WDR90: variants seen among roughly 807,000 people sequenced by gnomAD.
WDR90 encodes WD repeat-containing protein 90.
A neutral mutation model predicts 195.2 loss-of-function variants in WDR90; 238 were observed. The ratio of observed to expected loss-of-function variants is 1.22; its 90% CI spans 1.10 to 1.36. WDR90 has a LOEUF of 1.36. Among genes scored for constraint, WDR90 ranks in the 40% most tolerant of loss-of-function variants. WDR90 has a pLI of 0.00. For synonymous variants in WDR90, 1,265 were observed against 1,052.4 expected (o/e 1.20, Z -3.91); for missense variants, 2,734 against 2,439.5 (o/e 1.12, Z -2.54).
chr16:661,218 C>G (rs760529436), intron 29 of WDR90, 46 bp downstream of exon 29: 27 of 1,516,424 alleles, frequency 1.8e-5, no homozygotes, highest in Middle Eastern at 2.3e-4. Flanking sequence ...CCACCGTGCC[C>G]GGCAGAACCC....
In WDR90 at chr16:656,294, A is replaced by T; in HGVS notation, c.1967-8A>T. 6.9e-7 allele frequency: 1 copy of T among 1,452,740 alleles called. No homozygotes were observed. The allele number at this position is 1,452,740 out of a possible 1,614,324, so 90.0% of individuals were successfully genotyped here. Reference sequence around the variant, plus strand: ...CCCTGGAGGCCCCTGACCCCACCCCACCCACAGAGCACGAGGGCCCCGTCA... The same window carrying T: ...CCCTGGAGGCCCCTGACCCCACCCCTCCCACAGAGCACGAGGGCCCCGTCA... On this transcript the variant is annotated splice_region_variant and splice_polypyrimidine_tract_variant and intron_variant, in intron 17 of 40. Coordinates refer to ENST00000293879, the MANE Select transcript of WDR90 (RefSeq NM_145294.5).
chr16:660,951 C>CCTCAGGCCCCGCCCCCGGT, intron 28 of WDR90, 100 bp from the exon 29 acceptor site: 5 of 394,688 alleles, frequency 1.3e-5, no homozygotes, highest in Non-Finnish European at 9.0e-6. Flanking sequence ...CGCCCCACGG[C>CCTCAGGCCCCGCCCCCGGT]TCGGCCCAGG....
chr16:665,789 G>C lies in WDR90; in HGVS notation c.4422G>C (p.Gln1474His). ...GCATGGAGCTTGTGATCCAGTTCCA[G>C]GTGCTGAACCAGGTGTGTGGGGAGT... ...LASMELVIQF[Q>H]VLNQSCLCLA... is the part of the protein sequence containing the mutation. Residue 1474 changes from glutamine (Q) to histidine (H), a missense_variant, in exon 35 of 41, where the codon CAG (glutamine) becomes CAC (histidine). Coordinates refer to ENST00000293879, the MANE Select transcript of WDR90 (RefSeq NM_145294.5). 6.3e-7 allele frequency: 1 copy of C among 1,592,128 alleles called. No homozygotes were observed. Among genetic ancestry groups the C allele is most frequent in the Non-Finnish European group, 8.6e-7 (1 of 1,165,578 alleles).
At position 662,320 on chromosome 16, in the gene WDR90, C is replaced by T. The variant is rs370598576; in HGVS notation, c.4134C>T (p.Gly1378=). 3 of 1,565,304 alleles carry T rather than the reference C, an allele frequency of 1.9e-6. No homozygotes were observed. The highest frequency in any genetic ancestry group is 4.7e-5 in the East Asian group (2 of 42,494). ...CTGTGTCGGAGCTGAGGTGCAAGGGCTCAGGCGCCAGGTGAGCTGTTCACC... is the reference window on the plus strand; with the variant it reads ...CTGTGTCGGAGCTGAGGTGCAAGGGTTCAGGCGCCAGGTGAGCTGTTCACC... ...VGAVSELRCK[G]SGASSVFMEH... The change falls in exon 33 of 41, where the codon GGC becomes GGT. Residue 1378 remains glycine, a synonymous_variant. Transcript: ENST00000293879.
At chr16:664,058 G>C (rs968458438) in intron 34 of WDR90, among the ~76,000 whole-genome samples, 1 of 152,218 alleles carries the variant, frequency 6.6e-6, no homozygotes, top group African/African-American at 2.4e-5. Flanking sequence ...AGAAAGTTGA[G>C]TTTGAGACAG....
chr16:660,858 C>T (rs2037881953), intron 28 of WDR90, 144 bp downstream of exon 28: 7 of 979,468 alleles, frequency 7.1e-6, no homozygotes, highest in South Asian at 1.9e-5. Context: ...CGCCTCCTGG[C>T]GCTCCAGCCG....
intron 26 of WDR90, 105 bp downstream of exon 26, chr16:659,481 G>A: frequency 3.5e-6 from 5 of 1,440,612 alleles, no homozygotes; most frequent in East Asian, 2.5e-5. Context: ...GGGTGCAGGT[G>A]CCATCGCTGC....
At chr16:654,890 A>G (rs2037715617) in intron 13 of WDR90, 139 bp from the exon 14 acceptor site, 4 of 726,158 alleles carry the variant, frequency 5.5e-6, no homozygotes, top group Non-Finnish European at 9.1e-6. Flanking sequence ...GTTTCCTTCC[A>G]CTCTCCACGG....
upstream of WDR90, chr16:649,272 G>T: frequency 1.0e-6 from 1 of 959,034 alleles, no homozygotes; most frequent in South Asian, 2.9e-5. Flanking sequence ...TCCCACCGGG[G>T]AGGTCACGTG....
Position 658,925 on chromosome 16 carries a change from G to A in WDR90, c.2925G>A (p.Gln975=). Residue 975 remains glutamine (Q), a synonymous_variant, in exon 24 of 41, where the codon CAG becomes CAA. Coordinates refer to ENST00000293879, the MANE Select transcript of WDR90 (RefSeq NM_145294.5). The stretch of plus-strand genomic sequence containing the variant: ...ACATCGGCCACTCGGAACCCGTGCA[G>A]GCTGTGGCCTTCTCTCCTGACCAGC... ...QVYIGHSEPV[Q]AVAFSPDQQQ... is the part of the protein sequence containing the mutation. 6.2e-7 allele frequency: 1 copy of A among 1,612,604 alleles called. No individual in the cohort carries two copies. The highest frequency in any genetic ancestry group is 1.7e-5 in the Admixed American group (1 of 60,016).
Position 658,201 on chromosome 16 carries a change from G to T in WDR90, c.2623G>T (p.Gly875Cys). The T allele has an allele frequency of 6.2e-7, 1 of 1,610,724 alleles. No individual in the cohort carries two copies. Among genetic ancestry groups the T allele is most frequent in the South Asian group, 1.1e-5 (1 of 91,034 alleles). Residue 875 changes from glycine (G) to cysteine (C), a missense_variant, in exon 22 of 41, where the codon GGC becomes TGC. By Grantham distance (159) the Gly-to-Cys change is radical (BLOSUM62 -3). Transcript: ENST00000293879. ...SLDELLRVDI[G>C]TLDLASSRLD... The stretch of plus-strand genomic sequence containing the variant: ...CCCCCAGCTGCTGCGAGTTGACATC[G>T]GCACTCTGGACCTGGCCAGCAGCCG...
At chr16:665,299 CACTCCT>C (rs1431403882) in intron 34 of WDR90, 30 of 443,506 alleles carry the variant, frequency 6.8e-5, no homozygotes, top group African/African-American at 1.2e-4. Flanking sequence ...CGCACGGCCA[CACTCCT>C]GTCTTTCAGC....
chr16:649,172 CA>C, upstream of WDR90: 1 of 403,734 alleles, frequency 2.5e-6, no homozygotes, highest in Middle Eastern at 6.3e-4. Context: ...GTCGGGCTAA[CA>C]GGGGGCTGCC....
Position 655,672 on chromosome 16 carries a change from T to C in WDR90, c.1818T>C (p.Gly606=), listed in dbSNP as rs1567216464. 1 of 1,600,988 alleles carries C rather than the reference T, an allele frequency of 6.2e-7. No individual in the cohort carries two copies. Among genetic ancestry groups the C allele is most frequent in the East Asian group, 2.2e-5 (1 of 44,480 alleles). ...RRLLPTRTPG[G]PHPQKQTFSS... is the part of the protein sequence containing the mutation. Reference sequence around the variant, plus strand: ...TGCTCCCCACACGGACTCCAGGCGGTCCCCACCCACAGAAGCAGACCTTCA... The same window carrying C: ...TGCTCCCCACACGGACTCCAGGCGGCCCCCACCCACAGAAGCAGACCTTCA... Residue 606 remains glycine (G), a synonymous_variant, in exon 16 of 41, where the codon GGT becomes GGC. Transcript: ENST00000293879.
Position 651,929 on chromosome 16 carries a change from G to T in WDR90, c.943G>T (p.Glu315Ter). Residue 315 changes from glutamate to a stop codon, truncating the protein, a stop_gained, in exon 9 of 41, where the codon GAG (glutamate) becomes TAG (stop). Coordinates refer to ENST00000293879, the MANE Select transcript of WDR90 (RefSeq NM_145294.5). LOFTEE classifies it high-confidence loss of function. ...NADGPGFHSL[E>*]PWAQLEASDI... ...GGATGGCCCCGGTTTCCATAGCCTT[G>T]AGCCCTGGGCCCAGCTGGAGGCCTC... 1 of 1,609,994 alleles carries T rather than the reference G, an allele frequency of 6.2e-7. No individual in the cohort carries two copies. The highest frequency in any genetic ancestry group is 1.1e-5 in the South Asian group (1 of 90,660).
At chr16:653,968 G>A (rs538735805) in intron 13 of WDR90, 165 bp downstream of exon 13, 861 of 850,334 alleles carry the variant, frequency 1.0e-3, no homozygotes, top group Non-Finnish European at 1.4e-3. Context: ...TGCCGCCCCC[G>A]TGCCCTGCAC....
chr16:653,800 G>A lies in WDR90; in HGVS notation c.1434G>A (p.Arg478=), dbSNP rs1341378948. 3.1e-6 allele frequency: 5 copies of A among 1,613,172 alleles called. No homozygotes were observed. Among genetic ancestry groups the A allele is most frequent in the South Asian group, 2.2e-5 (2 of 91,088 alleles). The change falls in exon 13 of 41, where the codon AGG becomes AGA. Residue 478 remains arginine, a synonymous_variant. Coordinates refer to ENST00000293879, the MANE Select transcript of WDR90 (RefSeq NM_145294.5). ...GGGTTGGCAAGGACCACCACGGGAG[G>A]ACGGTAACAGGGCCCTGGCTGCGGG... ...LCGVGKDHHG[R]TMVVAWGTGQ...
Position 655,431 on chromosome 16 carries a change from G to A in WDR90, c.1681G>A (p.Ala561Thr). The change falls in exon 15 of 41, where the codon GCC (alanine) becomes ACC (threonine). Residue 561 changes from alanine (A) to threonine (T), a missense_variant. Ala to Thr is a moderately conservative substitution (Grantham distance 58, BLOSUM62 0). Coordinates refer to ENST00000293879, the MANE Select transcript of WDR90 (RefSeq NM_145294.5). ...LQFTDLAFKQ[A>T]RDGCPEPSAA... ...GTTCACCGACCTGGCCTTCAAGCAG[G>A]CCCGGGACGGCTGCCCGGAGCCCTC... The A allele has an allele frequency of 6.4e-7, 1 of 1,569,538 alleles. No homozygotes were observed. Among genetic ancestry groups the A allele is most frequent in the Non-Finnish European group, 8.6e-7 (1 of 1,161,354 alleles).
chr16:659,916 G>C, intron 26 of WDR90, 142 bp from the exon 27 acceptor site: 3 of 662,834 alleles, frequency 4.5e-6, no homozygotes, highest in Non-Finnish European at 7.5e-6. Context: ...GTTTGCCTGC[G>C]TCTGTGGCTC....
Sources: gnomAD v4.1 joint callset for allele counts (sites outside exome capture counted in the v4.1 genomes callset) on GRCh38, gnomAD v4.1.1 for gene constraint, MANE v1.5 for transcripts, NCBI Gene and HGNC (gene_info 2026-07-23, HGNC 2026-07-21) for gene names.